SMG1: variants seen among roughly 807,000 people sequenced by gnomAD.
SMG1 encodes serine/threonine-protein kinase SMG1.
A neutral mutation model predicts 419.9 loss-of-function variants in SMG1; 22 were observed. The observed-to-expected ratio is 0.05, with a 90% CI of 0.04 to 0.07. The LOEUF (loss-of-function observed/expected upper bound fraction) is 0.07. Ranked by LOEUF, SMG1 falls within the 10% of genes least tolerant of loss-of-function variation. SMG1 has a pLI of 1.00. For synonymous variants in SMG1, 1,538 were observed against 1,553.5 expected (o/e 0.99, Z 0.23); for missense variants, 3,185 against 4,342.0 (o/e 0.73, Z 7.49).
intron 55 of SMG1, among the ~76,000 whole-genome samples, chr16:18,820,241 G>A (rs895748214): frequency 3.3e-5 from 5 of 151,988 alleles, no homozygotes; most frequent in Admixed American, 6.6e-5. Flanking sequence ...TGGGATTACA[G>A]GTGTGAGCCA....
At chr16:18,902,672 C>T (rs531888095) in intron 1 of SMG1, among the ~76,000 whole-genome samples, 1 of 151,434 alleles carries the variant, frequency 6.6e-6, no homozygotes, top group Admixed American at 6.6e-5. Context: ...TGCCACTGCA[C>T]TCTCGCCTGG....
intron 12 of SMG1, among the ~76,000 whole-genome samples, chr16:18,876,831 C>T (rs1252736698): frequency 5.3e-5 from 8 of 151,474 alleles, no homozygotes; most frequent in South Asian, 2.1e-4. Flanking sequence ...TAATTTATAA[C>T]GTTATAAATG....
In SMG1 at chr16:18,840,520, T is replaced by C. The variant is rs573263174; in HGVS notation, c.6697-574A>G. Among the ~76,000 whole-genome samples, 18 of 152,336 alleles carry C rather than the reference T, an allele frequency of 1.2e-4. 2 individuals are homozygous for C. The South Asian group carries it at 3.5e-3, about 30-fold the overall frequency. On this transcript the variant is annotated intron_variant, in intron 41 of 62. Coordinates refer to ENST00000446231, the MANE Select transcript of SMG1 (RefSeq NM_015092.5). The stretch of plus-strand genomic sequence containing the variant: ...TTTTCTTTAGCTAGATGTGGGATCC[T>C]GAAGATAAGACTGTATAAAATTTAT...
chr16:18,862,045 C>T (rs1249385103), intron 25 of SMG1, among the ~76,000 whole-genome samples: 3 of 152,186 alleles, frequency 2.0e-5, no homozygotes, highest in African/African-American at 7.2e-5. Context: ...CCTCCAGCAA[C>T]AGCTTCCTAT....
chr16:18,818,219 C>T (rs1220165621), intron 56 of SMG1, among the ~76,000 whole-genome samples: 1 of 151,982 alleles, frequency 6.6e-6, no homozygotes, highest in Non-Finnish European at 1.5e-5. Context: ...CCCGTCTCTA[C>T]TAAAAATACA....
In SMG1 at chr16:18,926,036, G is replaced by A; in HGVS notation, c.6C>T (p.Ser2=). 3 of 1,570,952 alleles carry A rather than the reference G, an allele frequency of 1.9e-6. No individual in the cohort carries two copies. Among genetic ancestry groups the A allele is most frequent in the South Asian group, 2.3e-5 (2 of 87,072 alleles). The change falls in exon 1 of 63, where the codon AGC becomes AGT. Residue 2 remains serine (S), a synonymous_variant. Transcript: ENST00000446231. Reference sequence around the variant, plus strand: ...TCAGCCGAGACCCCGGGGCTCTGCGGCTCATTACCTTCCCCGACACGACAT... The same window carrying A: ...TCAGCCGAGACCCCGGGGCTCTGCGACTCATTACCTTCCCCGACACGACAT... M[S]RRAPGSRLSS... is the part of the protein sequence containing the mutation.
Position 18,858,030 on chromosome 16 carries a change from G to A in SMG1, c.4234+140C>T, listed in dbSNP as rs1200786723. 3.7e-5 allele frequency: 23 copies of A among 628,734 alleles called. 1 individual carries two copies. The South Asian group carries it at 4.1e-4, about 11-fold the overall frequency. The allele number at this position is 628,734 out of a possible 1,614,324, so 38.9% of individuals were successfully genotyped here. A position where few individuals can be genotyped will look rare whatever the true frequency, so the allele number is the denominator to read the frequency against. On this transcript the variant is annotated intron_variant, in intron 29 of 62. Coordinates refer to ENST00000446231, the MANE Select transcript of SMG1 (RefSeq NM_015092.5). The stretch of plus-strand genomic sequence containing the variant: ...TAAGACGGTGTTCTGTATCTCGATC[G>A]TATTGGTGGTCACACAAGTGAAGAC...
chr16:18,859,803 C>T (rs1445552302), intron 26 of SMG1, 100 bp from the exon 27 acceptor site: 1 of 736,498 alleles, frequency 1.4e-6, no homozygotes, highest in Non-Finnish European at 2.2e-6. Context: ...ATGAACAGCT[C>T]CTTTAATATT....
intron 55 of SMG1, among the ~76,000 whole-genome samples, chr16:18,820,490 C>A (rs1414620106): frequency 6.6e-6 from 1 of 152,234 alleles, no homozygotes; most frequent in Non-Finnish European, 1.5e-5. Context: ...AGGCATGAAC[C>A]ACCATGCCTG....
intron 33 of SMG1, 134 bp from the exon 34 acceptor site, chr16:18,850,601 A>G: frequency 1.6e-6 from 1 of 624,866 alleles, no homozygotes; most frequent in Admixed American, 2.9e-5. Flanking sequence ...TGTTATACAC[A>G]GTAAGTCAAT....
chr16:18,812,146 T>A lies in SMG1; in HGVS notation c.10622-19A>T. 6.2e-7 allele frequency: 1 copy of A among 1,603,130 alleles called. No individual in the cohort carries two copies. ...CGGACTGCTACAGAGAAAGAGTTGG[T>A]GGCTCAATTTACATGTAAACAGAAC... On this transcript the variant is annotated intron_variant, in intron 60 of 62. Transcript: ENST00000446231.
intron 51 of SMG1, among the ~76,000 whole-genome samples, chr16:18,830,758 A>G (rs1596479359): frequency 6.6e-6 from 1 of 151,908 alleles, no homozygotes; most frequent in East Asian, 1.9e-4. Flanking sequence ...GCGCCATTAC[A>G]CTCCAGTCTG....
At chr16:18,899,113 T>C (rs1022944730) in intron 1 of SMG1, among the ~76,000 whole-genome samples, 1 of 152,204 alleles carries the variant, frequency 6.6e-6, no homozygotes, top group Non-Finnish European at 1.5e-5. Flanking sequence ...AAAGACAATG[T>C]ACAAACAGTT....
Position 18,841,618 on chromosome 16 carries a change from A to C in SMG1, c.6643T>G (p.Phe2215Val). 6.2e-7 allele frequency: 1 copy of C among 1,613,956 alleles called. No individual in the cohort carries two copies. Among genetic ancestry groups the C allele is most frequent in the Non-Finnish European group, 8.5e-7 (1 of 1,179,880 alleles). The change falls in exon 41 of 63, where the codon TTT becomes GTT. Residue 2215 changes from phenylalanine to valine, a missense_variant. Phe to Val is a conservative substitution (Grantham distance 50). Transcript: ENST00000446231. ...IQWVDGATPL[F>V]GLYKRWQQRE... ...TGTTGCCATCGTTTGTAAAGACCAA[A>C]TAAGGGTGTGGCTCCATCTACCCAC... is the stretch of plus-strand genomic sequence containing the variant.
In SMG1 at chr16:18,892,324, C is replaced by A. The variant is rs1184779696; in HGVS notation, c.443G>T (p.Arg148Leu). The A allele has an allele frequency of 1.9e-6, 3 of 1,549,398 alleles. No homozygotes were observed. The highest frequency in any genetic ancestry group is 2.4e-5 in the East Asian group (1 of 40,956). ...GATCCTCCGAAGAAGATTCGACAGT[C>A]GAGACTCATCAGAATAAGACATCGA... ...ERSMSYSDES[R>L]LSNLLRRITR... is the part of the protein sequence containing the mutation. Residue 148 changes from arginine to leucine, a missense_variant, in exon 4 of 63, where the codon CGA becomes CTA. Transcript: ENST00000446231.
chr16:18,904,377 G>C (rs1424001093), intron 1 of SMG1, among the ~76,000 whole-genome samples: 2 of 151,450 alleles, frequency 1.3e-5, no homozygotes, highest in African/African-American at 4.8e-5. Flanking sequence ...GCTCACGCCT[G>C]TAATCCCAGC....
chr16:18,870,734 A>G (rs772758431), intron 17 of SMG1, 23 bp from the exon 18 acceptor site: 4 of 1,584,990 alleles, frequency 2.5e-6, no homozygotes, highest in East Asian at 4.5e-5. Flanking sequence ...GAAATAGACA[A>G]AGCAGGTGTG....
Position 18,868,181 on chromosome 16 carries a change from C to A in SMG1, c.3195+9G>T, listed in dbSNP as rs2035623989. On this transcript the variant is annotated intron_variant, in intron 22 of 62. Coordinates refer to ENST00000446231, the MANE Select transcript of SMG1 (RefSeq NM_015092.5). ...AGACTTAAAATGAATTTCAAACACA[C>A]CACATTACCTGAGATAGGCTGGTTG... 2 of 1,577,906 alleles carry A rather than the reference C, an allele frequency of 1.3e-6. No individual in the cohort carries two copies. The highest frequency in any genetic ancestry group is 1.1e-5 in the South Asian group (1 of 87,986).
chr16:18,840,566 G>C (rs2033858314), intron 41 of SMG1, among the ~76,000 whole-genome samples: 1 of 152,108 alleles, frequency 6.6e-6, no homozygotes, highest in South Asian at 2.1e-4. Flanking sequence ...TAAGAGCTTA[G>C]TACTGTTCCT....
Sources: allele counts gnomAD v4.1 joint callset (sites outside exome capture counted in the v4.1 genomes callset), GRCh38; gene constraint gnomAD v4.1.1; transcripts MANE v1.5; gene names NCBI Gene and HGNC (gene_info 2026-07-23, HGNC 2026-07-21).